Variants in AFF2 observed in about 807,000 individuals in gnomAD.
AFF2 encodes AF4/FMR2 family member 2.
Under a neutral mutation model 76.9 loss-of-function variants are expected in AFF2, and 14 were observed. The ratio of observed to expected loss-of-function variants is 0.18; its 90% CI spans 0.12 to 0.28. AFF2 has a LOEUF of 0.28. AFF2 is among the 10% of genes least tolerant of loss of function. The pLI is 1.00. For missense variants in AFF2, 868 were observed against 1,001.1 expected (o/e 0.87, Z 1.79); for synonymous variants, 398 against 366.7 (o/e 1.09, Z -0.98).
At chrX:148,731,228 C>T (rs1018922733) in intron 3 of AFF2, among the ~76,000 whole-genome samples, 2 of 111,856 alleles carry the variant, frequency 1.8e-5, no homozygotes, top group Admixed American at 1.9e-4. Context: ...GTATCTTTTC[C>T]CAGCTGGTCT....
At chrX:148,932,119 A>AT (rs1557284472) in intron 9 of AFF2, among the ~76,000 whole-genome samples, 1 of 112,048 alleles carries the variant, frequency 8.9e-6, no homozygotes, top group East Asian at 2.8e-4. Flanking sequence ...TAGATGAGAC[A>AT]TTCTCCAAGT....
At chrX:148,694,181 G>T (rs970998198) in intron 3 of AFF2, among the ~76,000 whole-genome samples, 6 of 103,122 alleles carry the variant, frequency 5.8e-5, no homozygotes, top group Admixed American at 2.1e-4. Flanking sequence ...GGGTCGGGGG[G>T]GGGGAGGGAT....
intron 1 of AFF2, among the ~76,000 whole-genome samples, chrX:148,575,902 C>T (rs2053282579): frequency 9.1e-6 from 1 of 109,725 alleles, no homozygotes; most frequent in South Asian, 3.7e-4. Context: ...ACATTTCTGA[C>T]TCCTCAAGGA....
At chrX:148,927,245 G>A (rs1237487526) in intron 9 of AFF2, among the ~76,000 whole-genome samples, 1 of 112,045 alleles carries the variant, frequency 8.9e-6, no homozygotes, top group Admixed American at 9.5e-5. Context: ...CAGGGAGTAT[G>A]GCTGAGGCAG....
intron 3 of AFF2, among the ~76,000 whole-genome samples, chrX:148,750,309 C>T (rs1557266401): frequency 9.0e-6 from 1 of 111,268 alleles, no homozygotes; most frequent in Non-Finnish European, 1.9e-5. Flanking sequence ...CCTATGCAGT[C>T]GTCTTTTCTG....
intron 19 of AFF2, among the ~76,000 whole-genome samples, chrX:148,983,326 A>G (rs1184225261): frequency 1.8e-5 from 2 of 112,297 alleles, no homozygotes; most frequent in African/African-American, 6.5e-5. Flanking sequence ...TGGACCTGCT[A>G]TTAGATCCTG....
At chrX:148,851,333 A>G (rs1339736039) in intron 7 of AFF2, among the ~76,000 whole-genome samples, 5 of 112,520 alleles carry the variant, frequency 4.4e-5, no homozygotes, top group African/African-American at 1.3e-4. Flanking sequence ...AATGTGGACC[A>G]AAAAAGGAAA....
chrX:148,664,338 A>T (rs1302078512), intron 3 of AFF2, among the ~76,000 whole-genome samples: 3 of 111,939 alleles, frequency 2.7e-5, no homozygotes, highest in Non-Finnish European at 5.6e-5. Context: ...GCCATATGGG[A>T]CTACCTGTGG....
rs547638110 is a variant in AFF2 at position 148,888,973 on chromosome X, A to C, written c.1359+2988A>C. On this transcript the variant is annotated intron_variant, in intron 8 of 20. Coordinates refer to ENST00000370460, the MANE Select transcript of AFF2 (RefSeq NM_002025.4). ...CAGAACCCAGTGGCTGCATTCGTGC[A>C]GACATAGTCCAATAAAAAAGCCATT... 1.8e-4 allele frequency among the ~76,000 whole-genome samples: 20 copies of C among 111,899 alleles called. No homozygotes were observed. The South Asian group carries it at 7.5e-3, about 42-fold the overall frequency.
rs1352451847 is a variant in AFF2 at position 148,997,999 on chromosome X, T to C, written c.*6667T>C. ...CTCACATTTACTCAATATAACAAAT[T>C]ACTGTTTCTACTCCTATTCTGAGTA... On this transcript the variant is annotated 3_prime_UTR_variant, in exon 21 of 21. Coordinates refer to ENST00000370460, the MANE Select transcript of AFF2 (RefSeq NM_002025.4). The C allele has an allele frequency of 2.7e-5, 3 of 112,518 alleles. No individual in the cohort carries two copies. The South Asian group carries it at 1.1e-3, about 41-fold the overall frequency. 9.3% of individuals were successfully genotyped at this position (112,518 alleles called of 1,213,427 possible). A position where few individuals can be genotyped will look rare whatever the true frequency, so the allele number is the denominator to read the frequency against.
chrX:148,822,704 GGTGT>G lies in AFF2; in HGVS notation c.1086+12816_1086+12819del, dbSNP rs36003565. Among the ~76,000 whole-genome samples the G allele has an allele frequency of 3.1e-3, 280 of 91,540 alleles. 1 individual carries two copies. In the South Asian group the frequency reaches 0.036, roughly 12 times the overall value. The allele number at this position is 91,540 out of a possible 115,157, so 79.5% of individuals were successfully genotyped here. On this transcript the variant is annotated intron_variant, in intron 4 of 20. Transcript: ENST00000370460. ...TTCTTCCCTAAAGTGATTCCTCCAG[GGTGT>G]GTGTGTGTGTGTGTGTGTGTGTGTG... is the stretch of plus-strand genomic sequence containing the variant.
intron 1 of AFF2, among the ~76,000 whole-genome samples, chrX:148,565,171 A>T (rs1458170982): frequency 8.9e-6 from 1 of 111,764 alleles, no homozygotes; most frequent in Non-Finnish European, 1.9e-5. Flanking sequence ...GCAGCCAAAG[A>T]TTATACCATA....
At chrX:148,767,453 C>T (rs2069532971) in intron 3 of AFF2, among the ~76,000 whole-genome samples, 1 of 111,460 alleles carries the variant, frequency 9.0e-6, no homozygotes, top group African/African-American at 3.3e-5. Flanking sequence ...ATGATAGACT[C>T]AAAAGAGCAC....
chrX:148,649,382 A>C (rs1286142393), intron 1 of AFF2, among the ~76,000 whole-genome samples: 1 of 112,315 alleles, frequency 8.9e-6, no homozygotes, highest in Non-Finnish European at 1.9e-5. Context: ...ATTAGACCTC[A>C]CTGTGTGAAG....
chrX:148,504,777 G>T (rs782289915), intron 1 of AFF2, among the ~76,000 whole-genome samples: 1 of 112,595 alleles, frequency 8.9e-6, no homozygotes, highest in South Asian at 3.7e-4. Flanking sequence ...AGACAAAAGT[G>T]AACTGTTTCA....
chrX:148,517,278 A>G lies in AFF2; in HGVS notation c.47+16134A>G, dbSNP rs140598984. ...GACAAAAACAGATACCCATTGCCCA[A>G]TCCTACCCAGCCTTCTCTTCAGTAC... On this transcript the variant is annotated intron_variant, in intron 1 of 20. Transcript: ENST00000370460. Among the ~76,000 whole-genome samples the G allele has an allele frequency of 2.7e-4, 30 of 111,952 alleles. 1 individual carries two copies. The East Asian group carries it at 7.9e-3, about 30-fold the overall frequency.
At chrX:148,720,544 A>G (rs1456476860) in intron 3 of AFF2, among the ~76,000 whole-genome samples, 1 of 111,525 alleles carries the variant, frequency 9.0e-6, no homozygotes, top group Non-Finnish European at 1.9e-5. Flanking sequence ...CAATGATAAT[A>G]GTGATAGAAA....
chrX:148,559,345 A>G (rs1282072839), intron 1 of AFF2, among the ~76,000 whole-genome samples: 2 of 111,060 alleles, frequency 1.8e-5, no homozygotes, highest in Admixed American at 9.6e-5. Context: ...GTAGGTATAC[A>G]TGTGCCATGG....
chrX:148,764,635 G>T (rs1269025158), intron 3 of AFF2, among the ~76,000 whole-genome samples: 1 of 112,174 alleles, frequency 8.9e-6, no homozygotes, highest in South Asian at 3.7e-4. Flanking sequence ...ATTTCTGTCT[G>T]CAAAGTCTCT....
Sources: allele counts gnomAD v4.1 joint callset (sites outside exome capture counted in the v4.1 genomes callset), GRCh38; gene constraint gnomAD v4.1.1; transcripts MANE v1.5; gene names NCBI Gene and HGNC (gene_info 2026-07-23, HGNC 2026-07-21).